The following ENKUR variants were observed in gnomAD, a reference collection of about 807,000 sequenced individuals.
ENKUR encodes enkurin.
Under a neutral mutation model 27.6 loss-of-function variants are expected in ENKUR, and 19 were observed. That is an observed-to-expected ratio of 0.69 (90% CI 0.48 to 1.01). The LOEUF (loss-of-function observed/expected upper bound fraction) is 1.01, where lower values mean the gene tolerates loss of function less well. ENKUR is among the 50% of genes least tolerant of loss of function. ENKUR has a pLI of 0.00. For synonymous variants in ENKUR, 117 were observed against 96.9 expected, an observed-to-expected ratio of 1.21 and a Z score of -1.22; for missense variants, 312 against 310.5, an observed-to-expected ratio of 1.00 and a Z score of -0.04.
intron 2 of ENKUR, chr10:25,024,647 G>T: frequency 1.2e-6 from 2 of 1,614,196 alleles, no homozygotes; most frequent in Non-Finnish European, 1.7e-6. Context: ...AACTGGGGCC[G>T]ACTACTTCCG....
rs761211810 is a variant in ENKUR, at chr10:25,015,864, G to A, written c.73C>T (p.Pro25Ser). 47 of 1,603,210 alleles carry A rather than the reference G, an allele frequency of 2.9e-5. No individual in the cohort carries two copies. The highest frequency in any genetic ancestry group is 3.7e-5 in the Non-Finnish European group (43 of 1,174,674). The change falls in exon 1 of 6, where the codon CCT becomes TCT. Residue 25 changes from proline to serine, a missense_variant. By Grantham distance (74) the Pro-to-Ser change is moderately conservative (BLOSUM62 -1). Coordinates refer to ENST00000331161, the MANE Select transcript of ENKUR (RefSeq NM_145010.4). ...AGTCTTTGCTTATCCACATACCTAG[G>A]AGGCTGGGGAGGCTCCTTCAAGTCA... is the stretch of plus-strand genomic sequence containing the variant. ...PSDLKEPPQP[P>S]RYISIFKATV...
chr10:25,033,622 T>A (rs1218662829), intron 2 of ENKUR, among the ~76,000 whole-genome samples: 1 of 152,134 alleles, frequency 6.6e-6, no homozygotes, highest in East Asian at 1.9e-4. Flanking sequence ...AATATTGGAA[T>A]AGGTGAATAT....
chr10:25,015,919 A>C lies in ENKUR; in HGVS notation c.18T>G (p.Ser6=), dbSNP rs1850558779. The C allele has an allele frequency of 1.9e-6, 3 of 1,608,372 alleles. No homozygotes were observed. In the East Asian group the frequency reaches 6.7e-5, roughly 36 times the overall value. The change falls in exon 1 of 6, where the codon TCT becomes TCG. Residue 6 remains serine (S), a synonymous_variant. Coordinates refer to ENST00000331161, the MANE Select transcript of ENKUR (RefSeq NM_145010.4). ...GTATGAGGTTATAAATGCACTCAGA[A>C]GAGCACGTTGGATCCATGGCCACCA... is the stretch of plus-strand genomic sequence containing the variant. MDPTC[S]SECIYNLIPS... is the part of the protein sequence containing the mutation.
At chr10:25,018,362 A>G, upstream of ENKUR, among the ~76,000 whole-genome samples, 1 of 152,246 alleles carries the variant, frequency 6.6e-6, no homozygotes, top group Non-Finnish European at 1.5e-5. Context: ...ATTAACTGGT[A>G]TATACCTACA....
chr10:25,013,625 A>T (rs1216115881), intron 1 of ENKUR, among the ~76,000 whole-genome samples: 1 of 152,236 alleles, frequency 6.6e-6, no homozygotes, highest in African/African-American at 2.4e-5. Flanking sequence ...ATGACTGGAG[A>T]TATTCAATAA....
chr10:25,032,315 G>T (rs10764519), intron 2 of ENKUR, among the ~76,000 whole-genome samples: 4 of 126,278 alleles, frequency 3.2e-5, no homozygotes, highest in East Asian at 2.1e-4. Flanking sequence ...GAGTAAAGAA[G>T]GGGGGGGGGC....
At chr10:25,046,808 C>A (rs1276319597) in intron 2 of ENKUR, among the ~76,000 whole-genome samples, 1 of 152,126 alleles carries the variant, frequency 6.6e-6, no homozygotes, top group Non-Finnish European at 1.5e-5. Context: ...GCTGTTGTAT[C>A]CCAGCCAAAG....
At chr10:25,052,461 A>G (rs1053946966) in intron 2 of ENKUR, among the ~76,000 whole-genome samples, 8 of 152,200 alleles carry the variant, frequency 5.3e-5, no homozygotes, top group Non-Finnish European at 8.8e-5. Flanking sequence ...TAGTAAGTAC[A>G]TTTACACTAA....
At chr10:25,003,822 C>T (rs540006097) in intron 1 of ENKUR, among the ~76,000 whole-genome samples, 81 of 152,332 alleles carry the variant, frequency 5.3e-4, no homozygotes, top group African/African-American at 1.8e-3. Flanking sequence ...TCCTCTCCCT[C>T]CTTCCACCCC....
intron 2 of ENKUR, among the ~76,000 whole-genome samples, chr10:24,996,080 AT>A (rs1850047476): frequency 6.6e-6 from 1 of 152,218 alleles, no homozygotes; most frequent in South Asian, 2.1e-4. Flanking sequence ...TCAGGCCTCA[AT>A]AAAATAATTT....
In ENKUR at chr10:24,984,841, G is replaced by T. The variant is rs575120495; in HGVS notation, c.659C>A (p.Ser220Tyr). ...CTGCTTGCGGATCTTCTTTGGTATAGAATCTATAAAGACCGAGAGGGACTG... is the reference window on the plus strand; with the variant it reads ...CTGCTTGCGGATCTTCTTTGGTATATAATCTATAAAGACCGAGAGGGACTG... ...EFQSLSVFID[S>Y]IPKKIRKQRL... The change falls in exon 5 of 6, where the codon TCT becomes TAT. Residue 220 changes from serine to tyrosine, a missense_variant. By Grantham distance (144) the Ser-to-Tyr change is moderately radical (BLOSUM62 -2). Transcript: ENST00000331161. 6.2e-7 allele frequency: 1 copy of T among 1,613,574 alleles called. No individual in the cohort carries two copies. The highest frequency in any genetic ancestry group is 1.3e-5 in the African/African-American group (1 of 74,974).
At chr10:25,024,148 A>G (rs917870403) in intron 2 of ENKUR, 17 of 1,614,082 alleles carry the variant, frequency 1.1e-5, no homozygotes, top group Non-Finnish European at 1.4e-5. Context: ...ACCTGCTGCC[A>G]GGTTGGGAGA....
chr10:24,989,319 C>A (rs770769243), intron 4 of ENKUR, among the ~76,000 whole-genome samples: 32 of 152,148 alleles, frequency 2.1e-4, no homozygotes, highest in Non-Finnish European at 3.7e-4. Context: ...TGAACATCTG[C>A]GTTTTCACTG....
At chr10:24,995,904 C>A in intron 2 of ENKUR, 35 bp from the exon 3 acceptor site, 1 of 1,517,706 alleles carries the variant, frequency 6.6e-7, no homozygotes, top group South Asian at 1.2e-5. Context: ...TAATATTAAA[C>A]TACAAACACT....
intron 2 of ENKUR, among the ~76,000 whole-genome samples, chr10:25,039,706 T>C (rs1851040951): frequency 6.6e-6 from 1 of 152,216 alleles, no homozygotes; most frequent in Admixed American, 6.5e-5. Flanking sequence ...TACTGCTGCA[T>C]GACTATCACA....
At chr10:25,020,471 A>G (rs183967994), upstream of ENKUR, among the ~76,000 whole-genome samples, 2 of 152,270 alleles carry the variant, frequency 1.3e-5, no homozygotes, top group Non-Finnish European at 2.9e-5. Flanking sequence ...GGAAGAAAAG[A>G]TGAAAGATTT....
chr10:25,017,083 C>G (rs569564311), upstream of ENKUR, among the ~76,000 whole-genome samples: 1 of 152,204 alleles, frequency 6.6e-6, no homozygotes, highest in African/African-American at 2.4e-5. Flanking sequence ...TGCGCCTGCT[C>G]TTCCCCGGGT....
At chr10:25,049,588 G>A (rs1188967018) in intron 2 of ENKUR, among the ~76,000 whole-genome samples, 1 of 152,064 alleles carries the variant, frequency 6.6e-6, no homozygotes, top group Non-Finnish European at 1.5e-5. Flanking sequence ...AGGGGTTCGA[G>A]ACCAGCCTGG....
At chr10:24,995,566 G>T in intron 3 of ENKUR, 80 bp downstream of exon 3, 1 of 1,247,574 alleles carries the variant, frequency 8.0e-7, no homozygotes, top group Non-Finnish European at 1.1e-6. Flanking sequence ...CACTAATAAT[G>T]ATAACATAGA....
Sources: allele counts gnomAD v4.1 joint callset (sites outside exome capture counted in the v4.1 genomes callset), GRCh38; gene constraint gnomAD v4.1.1; transcripts MANE v1.5; gene names NCBI Gene and HGNC (gene_info 2026-07-23, HGNC 2026-07-21).